The following RNMT variants were observed in gnomAD, a reference collection of about 807,000 sequenced individuals.
RNMT encodes the protein RNA guanine-7 methyltransferase, also known as mRNA cap guanine-N(7) methyltransferase.
RNMT carries 27 observed loss-of-function variants against 56.0 expected under a neutral mutation model. That is an observed-to-expected ratio of 0.48 (90% confidence interval 0.36 to 0.67). The LOEUF (loss-of-function observed/expected upper bound fraction) is 0.67. Ranked by LOEUF, RNMT falls within the 30% of genes least tolerant of loss-of-function variation. The pLI is 0.00. For missense variants in RNMT, 519 were observed against 552.1 expected (o/e 0.94, Z 0.60); for synonymous variants, 184 against 176.2 (o/e 1.04, Z -0.35).
At chr18:13,756,073 C>G (rs976708796) in intron 11 of RNMT, among the ~76,000 whole-genome samples, 2 of 152,162 alleles carry the variant, frequency 1.3e-5, no homozygotes, top group African/African-American at 4.8e-5. Flanking sequence ...CATGCCATCA[C>G]GAGTCTAAAA....
chr18:13,758,759 C>A (rs2044582046), intron 11 of RNMT, among the ~76,000 whole-genome samples: 1 of 152,082 alleles, frequency 6.6e-6, no homozygotes, highest in South Asian at 2.1e-4. Context: ...GATTTCAAGC[C>A]TAGCTTTTTG....
Position 13,762,648 on chromosome 18 carries a change from C to T in RNMT, c.*2669C>T, listed in dbSNP as rs563045491. The T allele has an allele frequency of 1.3e-4, 26 of 195,698 alleles. 1 individual carries two copies. The East Asian group carries it at 1.9e-3, about 14-fold the overall frequency. 12.1% of individuals were successfully genotyped at this position (195,698 alleles called of 1,614,324 possible). On this transcript the variant is annotated 3_prime_UTR_variant, in exon 12 of 12. Transcript: ENST00000383314. The stretch of plus-strand genomic sequence containing the variant: ...CACTTGGAAATTGAGGGAGCATGAC[C>T]GCTCTCTGACTTCACATGTTAATAG...
chr18:13,760,150 C>T lies in RNMT; in HGVS notation c.*171C>T, dbSNP rs2044601713. ...ACATTTGCTGTCTGTGACAGATGAA[C>T]TTTTGCATGTGTATATAAGAATGAG... On this transcript the variant is annotated 3_prime_UTR_variant, in exon 12 of 12. Transcript: ENST00000383314. 2 of 1,341,726 alleles carry T rather than the reference C, an allele frequency of 1.5e-6. No homozygotes were observed. The highest frequency in any genetic ancestry group is 3.4e-5 in the Admixed American group (1 of 29,822). The allele number at this position is 1,341,726 out of a possible 1,614,324, so 83.1% of individuals were successfully genotyped here. A position where few individuals can be genotyped will look rare whatever the true frequency, so the allele number is the denominator to read the frequency against.
rs891264300 is a variant in RNMT at position 13,761,960 on chromosome 18, C to G, written c.*1981C>G. 15 of 1,514,586 alleles carry G rather than the reference C, an allele frequency of 9.9e-6. 1 individual carries two copies. The highest frequency in any genetic ancestry group is 1.8e-4 in the Middle Eastern group (1 of 5,612). The allele number at this position is 1,514,586 out of a possible 1,614,324, so 93.8% of individuals were successfully genotyped here. The stretch of plus-strand genomic sequence containing the variant: ...AAAGGCTTCCCCTGCCTATCCTCTC[C>G]GATCACCAAGGTGGAAGGGAGCTAG... On this transcript the variant is annotated 3_prime_UTR_variant, in exon 12 of 12. Coordinates refer to ENST00000383314, the MANE Select transcript of RNMT (RefSeq NM_003799.3).
At chr18:13,754,371 G>T (rs1007492306) in intron 11 of RNMT, among the ~76,000 whole-genome samples, 2 of 152,090 alleles carry the variant, frequency 1.3e-5, no homozygotes, top group Non-Finnish European at 2.9e-5. Flanking sequence ...AGCCAGTCAT[G>T]GTGGCATGTG....
intron 4 of RNMT, 80 bp downstream of exon 4, chr18:13,734,679 C>G (rs1224518187): frequency 3.3e-6 from 4 of 1,228,818 alleles, no homozygotes; most frequent in African/African-American, 3.1e-5. Context: ...AAGCTAGAGC[C>G]AAGACTAGGT....
At chr18:13,730,016 C>T (rs1186545362) in intron 1 of RNMT, among the ~76,000 whole-genome samples, 1 of 152,126 alleles carries the variant, frequency 6.6e-6, no homozygotes, top group Non-Finnish European at 1.5e-5. Flanking sequence ...TCTCGAACTC[C>T]AGAGCTCAAG....
Position 13,734,548 on chromosome 18 carries a change from C to T in RNMT, c.502C>T (p.Arg168Cys), listed in dbSNP as rs948255458. Residue 168 changes from arginine (R) to cysteine (C), a missense_variant, in exon 4 of 12, where the codon CGT (arginine) becomes TGT (cysteine). Arg to Cys is a radical substitution (Grantham distance 180, BLOSUM62 -3). Coordinates refer to ENST00000383314, the MANE Select transcript of RNMT (RefSeq NM_003799.3). ...EVGLEKRSQS[R>C]IFYLRNFNNW... Reference sequence around the variant, plus strand: ...TGGTTTGGAGAAGCGTAGTCAAAGTCGTATTTTTTACCTAAGAAACTTTAA... The same window carrying T: ...TGGTTTGGAGAAGCGTAGTCAAAGTTGTATTTTTTACCTAAGAAACTTTAA... 14 of 1,613,314 alleles carry T rather than the reference C, an allele frequency of 8.7e-6. No homozygotes were observed. Among genetic ancestry groups the T allele is most frequent in the Admixed American group, 3.3e-5 (2 of 59,984 alleles).
At chr18:13,728,647 T>C (rs1601986986) in intron 1 of RNMT, among the ~76,000 whole-genome samples, 1 of 152,120 alleles carries the variant, frequency 6.6e-6, no homozygotes, top group Non-Finnish European at 1.5e-5. Flanking sequence ...AGCATCCATT[T>C]TTTAAAAATC....
chr18:13,747,968 A>T (rs941497526), intron 9 of RNMT, among the ~76,000 whole-genome samples: 1 of 152,196 alleles, frequency 6.6e-6, no homozygotes, highest in African/African-American at 2.4e-5. Flanking sequence ...TTCTCTTAGC[A>T]TATGGGTAGT....
intron 9 of RNMT, among the ~76,000 whole-genome samples, chr18:13,749,327 G>T (rs770878965): frequency 3.9e-5 from 6 of 152,218 alleles, no homozygotes; most frequent in Non-Finnish European, 8.8e-5. Context: ...AAAAAAAACT[G>T]ATTGGTAATC....
chr18:13,745,103 G>A (rs1294416376), intron 8 of RNMT, among the ~76,000 whole-genome samples: 1 of 152,206 alleles, frequency 6.6e-6, no homozygotes, highest in Admixed American at 6.5e-5. Flanking sequence ...CCAAGATGTT[G>A]AAAGAAGGCC....
chr18:13,737,945 A>C (rs2044190783), intron 5 of RNMT, among the ~76,000 whole-genome samples: 1 of 151,992 alleles, frequency 6.6e-6, no homozygotes, highest in Non-Finnish European at 1.5e-5. Flanking sequence ...AGATCTAGGC[A>C]ATAATTTTTT....
intron 4 of RNMT, 61 bp downstream of exon 4, chr18:13,734,660 G>C: frequency 7.2e-7 from 1 of 1,395,606 alleles, no homozygotes; most frequent in Non-Finnish European, 9.6e-7. Flanking sequence ...ATCAAACCTT[G>C]ACTTTATAAA....
In RNMT at chr18:13,741,622, G is replaced by A; in HGVS notation, c.905G>A (p.Arg302Lys). The A allele has an allele frequency of 6.2e-7, 1 of 1,614,078 alleles. No homozygotes were observed. Among genetic ancestry groups the A allele is most frequent in the East Asian group, 2.2e-5 (1 of 44,866 alleles). ...TATGAGCAGGCTGACATGATGCTGAGAAATGCGTGTGAGAGACTTAGCCCT... is the reference window on the plus strand; with the variant it reads ...TATGAGCAGGCTGACATGATGCTGAAAAATGCGTGTGAGAGACTTAGCCCT... ...ESYEQADMML[R>K]NACERLSPGG... The change falls in exon 7 of 12, where the codon AGA becomes AAA. Residue 302 changes from arginine to lysine, a missense_variant. Transcript: ENST00000383314.
Position 13,762,514 on chromosome 18 carries a change from A to G in RNMT, c.*2535A>G. 4.8e-6 allele frequency: 1 copy of G among 209,490 alleles called. No individual in the cohort carries two copies. The highest frequency in any genetic ancestry group is 9.1e-5 in the South Asian group (1 of 11,048). The allele number at this position is 209,490 out of a possible 1,614,324, so 13.0% of individuals were successfully genotyped here. On this transcript the variant is annotated 3_prime_UTR_variant, in exon 12 of 12. Transcript: ENST00000383314. ...TGACTCTCCAAAGAAATTGGCCTTC[A>G]GCTGGAGAAAACATTGGGTGGAGAC... is the stretch of plus-strand genomic sequence containing the variant.
intron 8 of RNMT, 22 bp from the exon 9 acceptor site, chr18:13,746,197 AT>A: frequency 1.6e-6 from 2 of 1,234,018 alleles, no homozygotes; most frequent in Non-Finnish European, 2.3e-6. Flanking sequence ...AAGCTTTTTC[AT>A]TAAGTATTCT....
chr18:13,753,051 C>A (rs1359507911), intron 10 of RNMT, among the ~76,000 whole-genome samples: 2 of 152,014 alleles, frequency 1.3e-5, no homozygotes, highest in African/African-American at 2.4e-5. Flanking sequence ...AATTTATTTC[C>A]TTTGTGTGAT....
rs1258760600 is a variant in RNMT at position 13,762,096 on chromosome 18, C to T, written c.*2117C>T. On this transcript the variant is annotated 3_prime_UTR_variant, in exon 12 of 12. Coordinates refer to ENST00000383314, the MANE Select transcript of RNMT (RefSeq NM_003799.3). ...CTTTCCACCGTCGGGCCAGGAAGAGCACCTGTTGCTGCAAGCTCAGTGAAG... is the reference window on the plus strand; with the variant it reads ...CTTTCCACCGTCGGGCCAGGAAGAGTACCTGTTGCTGCAAGCTCAGTGAAG... The T allele has an allele frequency of 2.6e-6, 4 of 1,535,936 alleles. No homozygotes were observed. The highest frequency in any genetic ancestry group is 1.4e-5 in the African/African-American group (1 of 73,056).
Sources: gnomAD v4.1 joint callset for allele counts (sites outside exome capture counted in the v4.1 genomes callset) on GRCh38, gnomAD v4.1.1 for gene constraint, MANE v1.5 for transcripts, NCBI Gene and HGNC (gene_info 2026-07-23, HGNC 2026-07-21) for gene names.